The following KRT23 variants were observed in gnomAD, a reference collection of about 807,000 sequenced individuals.
KRT23 encodes the protein keratin, type I cytoskeletal 23.
In KRT23, 38 loss-of-function variants were observed where a neutral mutation model predicts 47.6. The observed-to-expected ratio is 0.80, with a 90% CI of 0.62 to 1.05. The LOEUF (loss-of-function observed/expected upper bound fraction) is 1.05. Ranked by LOEUF, KRT23 falls within the 50% of genes least tolerant of loss-of-function variation. The pLI is 0.00. For missense variants in KRT23, 503 were observed against 529.5 expected, an observed-to-expected ratio of 0.95 and a Z score of 0.49; for synonymous variants, 191 against 199.0, an observed-to-expected ratio of 0.96 and a Z score of 0.34.
intron 2 of KRT23, among the ~76,000 whole-genome samples, chr17:40,935,582 A>G (rs1910004791): frequency 6.6e-6 from 1 of 152,204 alleles, no homozygotes; most frequent in Non-Finnish European, 1.5e-5. Flanking sequence ...GGTTCTAGCA[A>G]TATGCCATTG....
intron 3 of KRT23, 41 bp downstream of exon 3, chr17:40,931,332 A>G (rs776583911): frequency 6.7e-7 from 1 of 1,484,180 alleles, no homozygotes; most frequent in South Asian, 1.1e-5. Flanking sequence ...TGTAAAGCAA[A>G]CAAACAAAAA....
intron 8 of KRT23, 108 bp downstream of exon 8, chr17:40,924,364 T>C: frequency 1.2e-6 from 1 of 843,064 alleles, no homozygotes. Context: ...CAGGACATTT[T>C]GAACCCAGGA....
rs1908999475 is a variant in KRT23 at position 40,922,744 on chromosome 17, G to A, written c.*245C>T. On this transcript the variant is annotated 3_prime_UTR_variant, in exon 9 of 9. Transcript: ENST00000209718. ...GGCTACAAAATAGATGCAAAATGAT[G>A]AGAATCTGAAGGCTGCAGTAGGAAA... The A allele has an allele frequency of 2.7e-6, 1 of 366,804 alleles. No individual in the cohort carries two copies. The highest frequency in any genetic ancestry group is 4.5e-5 in the Admixed American group (1 of 22,128). The allele number at this position is 366,804 out of a possible 1,614,324, so 22.7% of individuals were successfully genotyped here.
At position 40,931,368 on chromosome 17, in the gene KRT23, C is replaced by A; in HGVS notation, c.479+5G>T. The A allele has an allele frequency of 6.2e-7, 1 of 1,603,512 alleles. No individual in the cohort carries two copies. The highest frequency in any genetic ancestry group is 8.5e-7 in the Non-Finnish European group (1 of 1,170,308). On this transcript the variant is annotated splice_donor_5th_base_variant and intron_variant, in intron 3 of 8. Transcript: ENST00000209718. ...CCCGAACAACCCTGTGAAGAAGGAA[C>A]TTACTTGAGGTTGAAGTCATCCACT...
intron 5 of KRT23, 25 bp from the exon 6 acceptor site, chr17:40,928,385 C>G (rs1324311316): frequency 6.2e-7 from 1 of 1,614,150 alleles, no homozygotes. Context: ...AAGGCAAAGG[C>G]GTCAGCATTG....
At position 40,923,035 on chromosome 17, in the gene KRT23, C is replaced by G; in HGVS notation, c.1223G>C (p.Gly408Ala). 6.2e-7 allele frequency: 1 copy of G among 1,614,122 alleles called. No homozygotes were observed. Among genetic ancestry groups the G allele is most frequent in the Non-Finnish European group, 8.5e-7 (1 of 1,179,964 alleles). Residue 408 changes from glycine (G) to alanine (A), a missense_variant, in exon 9 of 9, where the codon GGA (glycine) becomes GCA (alanine). Physicochemically the swap from Gly to Ala is moderately conservative, Grantham distance 60. Coordinates refer to ENST00000209718, the MANE Select transcript of KRT23 (RefSeq NM_015515.5). ...IKAITQETIN[G>A]RLVLCQVNEI... ...ATTCACTTGACAAAGAACTAATCTT[C>G]CGTTGATGGTCTCCTGGGTTATGGC...
In KRT23 at chr17:40,928,362, T is replaced by A; in HGVS notation, c.799-2A>T. On this transcript the variant is annotated splice_acceptor_variant, in intron 5 of 8. Coordinates refer to ENST00000209718, the MANE Select transcript of KRT23 (RefSeq NM_015515.5). LOFTEE classifies it high-confidence loss of function. Reference sequence around the variant, plus strand: ...TGCCTCCTGGGACATGGCTGCAGACTGTGGGACCAAGCAAGGCAAAGGCGT... The same window carrying A: ...TGCCTCCTGGGACATGGCTGCAGACAGTGGGACCAAGCAAGGCAAAGGCGT... 1 of 1,614,222 alleles carries A rather than the reference T, an allele frequency of 6.2e-7. No homozygotes were observed. Among genetic ancestry groups the A allele is most frequent in the Non-Finnish European group, 8.5e-7 (1 of 1,180,036 alleles).
At chr17:40,927,307 T>C (rs995360790) in intron 6 of KRT23, among the ~76,000 whole-genome samples, 2 of 152,166 alleles carry the variant, frequency 1.3e-5, no homozygotes, top group Non-Finnish European at 2.9e-5. Context: ...TGCATGAAAA[T>C]GGGTATACAT....
chr17:40,926,476 G>T (rs1307058323), intron 6 of KRT23, among the ~76,000 whole-genome samples: 1 of 152,122 alleles, frequency 6.6e-6, no homozygotes, highest in Admixed American at 6.5e-5. Context: ...TTTTGTTGAT[G>T]AAATGAAAGC....
Position 40,928,557 on chromosome 17 carries a change from C to A in KRT23, c.687G>T (p.Val229=). 1 of 1,613,914 alleles carries A rather than the reference C, an allele frequency of 6.2e-7. No individual in the cohort carries two copies. The highest frequency in any genetic ancestry group is 8.5e-7 in the Non-Finnish European group (1 of 1,179,932). Residue 229 remains valine, a synonymous_variant, in exon 5 of 9, where the codon GTG becomes GTT. Transcript: ENST00000209718. ...VPSDFNVNVK[V]DTGPREDLIK... Reference sequence around the variant, plus strand: ...TCAGATCTTCCCTGGGACCTGTATCCACCTTCACATTGACATTGAAGTCAC... The same window carrying A: ...TCAGATCTTCCCTGGGACCTGTATCAACCTTCACATTGACATTGAAGTCAC...
intron 2 of KRT23, among the ~76,000 whole-genome samples, chr17:40,933,774 G>T (rs1909859038): frequency 2.6e-5 from 4 of 152,178 alleles, no homozygotes; most frequent in Admixed American, 2.6e-4. Flanking sequence ...AATCTTCATG[G>T]TAATAAGTGG....
chr17:40,934,841 G>C (rs1165205035), intron 2 of KRT23, among the ~76,000 whole-genome samples: 1 of 152,142 alleles, frequency 6.6e-6, no homozygotes, highest in South Asian at 2.1e-4. Flanking sequence ...AAAACTCTTG[G>C]ATAGTGTTGA....
intron 2 of KRT23, 149 bp downstream of exon 2, chr17:40,936,059 A>G: frequency 1.3e-6 from 1 of 772,772 alleles, no homozygotes; most frequent in Non-Finnish European, 2.0e-6. Context: ...AAGATATAAT[A>G]AGAAAACATC....
In KRT23 at chr17:40,925,465, C is replaced by A. The variant is rs574631428; in HGVS notation, c.1031G>T (p.Arg344Leu). The A allele has an allele frequency of 1.9e-6, 3 of 1,614,144 alleles. No homozygotes were observed. Among genetic ancestry groups the A allele is most frequent in the African/African-American group, 2.7e-5 (2 of 75,044 alleles). ...SHYEEELTQL[R>L]HELERQNNEY... ...ATTGTTCTGCCGCTCCAGTTCATGGCGTAGCTGCGTCAGTTCCTCCTCATA... is the reference window on the plus strand; with the variant it reads ...ATTGTTCTGCCGCTCCAGTTCATGGAGTAGCTGCGTCAGTTCCTCCTCATA... Residue 344 changes from arginine (R) to leucine (L), a missense_variant, in exon 7 of 9, where the codon CGC becomes CTC. Transcript: ENST00000209718.
In KRT23 at chr17:40,936,919, A is replaced by C; in HGVS notation, c.-316T>G. Reference sequence around the variant, plus strand: ...GGGTATTGGGCTCAGGTATCTTTCTAATCTTGCCGTGAAGTTTTTCCATTG... The same window carrying C: ...GGGTATTGGGCTCAGGTATCTTTCTCATCTTGCCGTGAAGTTTTTCCATTG... On this transcript the variant is annotated 5_prime_UTR_variant, in exon 2 of 9. In the 5' UTR this introduces an upstream ATG that the reference lacks. Transcript: ENST00000209718. 1 of 328,574 alleles carries C rather than the reference A, an allele frequency of 3.0e-6. No homozygotes were observed. Among genetic ancestry groups the C allele is most frequent in the Non-Finnish European group, 5.5e-6 (1 of 181,932 alleles). The allele number at this position is 328,574 out of a possible 1,614,324, so 20.4% of individuals were successfully genotyped here. A position where few individuals can be genotyped will look rare whatever the true frequency, so the allele number is the denominator to read the frequency against.
In KRT23 at chr17:40,934,360, T is replaced by C. The variant is rs542921325; in HGVS notation, c.396+1848A>G. ...AGTGAAATTCAAAGCCAAAGAAGTTTCCTATTCAATCTCAGAACCCAGAAT... is the reference window on the plus strand; with the variant it reads ...AGTGAAATTCAAAGCCAAAGAAGTTCCCTATTCAATCTCAGAACCCAGAAT... On this transcript the variant is annotated intron_variant, in intron 2 of 8. Transcript: ENST00000209718. Among the ~76,000 whole-genome samples, 6 of 152,278 alleles carry C rather than the reference T, an allele frequency of 3.9e-5. No homozygotes were observed. In the South Asian group the frequency reaches 8.3e-4, roughly 21 times the overall value.
rs1286999549 is a variant in KRT23, at chr17:40,929,983, C to A, written c.593G>T (p.Gly198Val). 12 of 1,614,126 alleles carry A rather than the reference C, an allele frequency of 7.4e-6. No homozygotes were observed. The highest frequency in any genetic ancestry group is 1.0e-5 in the Non-Finnish European group (12 of 1,180,012). Residue 198 changes from glycine (G) to valine (V), a missense_variant, in exon 4 of 9, where the codon GGA (glycine) becomes GTA (valine). Transcript: ENST00000209718. Reference protein sequence around the residue: ...VTTDLEQEVEGMRKELILMKK... With the variant: ...VTTDLEQEVEVMRKELILMKK... Reference sequence around the variant, plus strand: ...CATGAGAATGAGCTCTTTCCTCATTCCTTCCACCTCCTGTTCTAGGTCTGT... The same window carrying A: ...CATGAGAATGAGCTCTTTCCTCATTACTTCCACCTCCTGTTCTAGGTCTGT...
chr17:40,926,386 C>T (rs1909224356), intron 6 of KRT23, among the ~76,000 whole-genome samples: 1 of 152,234 alleles, frequency 6.6e-6, no homozygotes, highest in Non-Finnish European at 1.5e-5. Context: ...AGCCAGTCTC[C>T]TACTCTCCCA....
chr17:40,929,646 T>C (rs555917669), intron 4 of KRT23: 50 of 308,144 alleles, frequency 1.6e-4, no homozygotes, highest in Non-Finnish European at 2.4e-4. Flanking sequence ...GTCTCACGCA[T>C]TGATTCTTAT....
Sources: allele counts gnomAD v4.1 joint callset (sites outside exome capture counted in the v4.1 genomes callset), GRCh38; gene constraint gnomAD v4.1.1; transcripts MANE v1.5; gene names NCBI Gene and HGNC (gene_info 2026-07-23, HGNC 2026-07-21).